The following FZD6 variants were observed in gnomAD, a reference collection of about 807,000 sequenced individuals.
FZD6 encodes frizzled-6.
FZD6 carries 49 observed loss-of-function variants against 61.4 expected under a neutral mutation model. The ratio of observed to expected loss-of-function variants is 0.80; its 90% CI spans 0.63 to 1.01. FZD6 has a LOEUF of 1.01. Ranked by LOEUF, FZD6 falls within the 50% of genes least tolerant of loss-of-function variation. The pLI, the probability that FZD6 is intolerant of heterozygous loss-of-function variation, is 0.00. For synonymous variants in FZD6, 265 were observed against 292.2 expected (o/e 0.91, Z 0.95); for missense variants, 724 against 848.2 (o/e 0.85, Z 1.82).
At position 103,324,995 on chromosome 8, in the gene FZD6, A is replaced by G. The variant is rs1586524678; in HGVS notation, c.889A>G (p.Thr297Ala). 6.2e-7 allele frequency: 1 copy of G among 1,614,152 alleles called. No individual in the cohort carries two copies. Among genetic ancestry groups the G allele is most frequent in the Non-Finnish European group, 8.5e-7 (1 of 1,180,020 alleles). Reference sequence around the variant, plus strand: ...TTTGTATTTTTTCACAATGGCTGGCACTGTGTGGTGGGTGATTCTTACCAT... The same window carrying G: ...TTTGTATTTTTTCACAATGGCTGGCGCTGTGTGGTGGGTGATTCTTACCAT... ...MLLYFFTMAG[T>A]VWWVILTITW... is the part of the protein sequence containing the mutation. Residue 297 changes from threonine (T) to alanine (A), a missense_variant, in exon 4 of 7, where the codon ACT (threonine) becomes GCT (alanine). Coordinates refer to ENST00000358755, the MANE Select transcript of FZD6 (RefSeq NM_003506.4).
intron 6 of FZD6, among the ~76,000 whole-genome samples, chr8:103,330,977 A>G (rs1448257177): frequency 6.6e-6 from 1 of 152,170 alleles, no homozygotes; most frequent in African/African-American, 2.4e-5. Flanking sequence ...GGAGATCGAG[A>G]CCATTCTGGC....
chr8:103,327,732 G>A (rs1814993980), intron 4 of FZD6, among the ~76,000 whole-genome samples: 1 of 152,156 alleles, frequency 6.6e-6, no homozygotes. Context: ...CTTGTGCAAT[G>A]TTTAAGGTTA....
intron 5 of FZD6, 49 bp from the exon 6 acceptor site, chr8:103,329,606 T>G (rs373381736): frequency 1.4e-6 from 2 of 1,394,372 alleles, no homozygotes; most frequent in African/African-American, 2.8e-5. Flanking sequence ...CTCTACTTTA[T>G]AGCCACACTT....
rs780130499 is a variant in FZD6 at position 103,330,012 on chromosome 8, C to T, written c.1899C>T (p.Val633=). The T allele has an allele frequency of 6.3e-5, 101 of 1,613,846 alleles. No individual in the cohort carries two copies. The East Asian group carries it at 1.2e-3, about 19-fold the overall frequency. ...TCTCCAGACTCTCTGGGGAACAGGT[C>T]GACGGGAAGGGCCAGGCAGGCAGTG... is the stretch of plus-strand genomic sequence containing the variant. ...ASISRLSGEQ[V]DGKGQAGSVS... Residue 633 remains valine, a synonymous_variant, in exon 6 of 7, where the codon GTC becomes GTT. Coordinates refer to ENST00000358755, the MANE Select transcript of FZD6 (RefSeq NM_003506.4).
At chr8:103,324,054 A>G (rs931697010) in intron 3 of FZD6, among the ~76,000 whole-genome samples, 2 of 152,234 alleles carry the variant, frequency 1.3e-5, no homozygotes, top group Non-Finnish European at 2.9e-5. Flanking sequence ...ACATTAGAAA[A>G]TAAAAGTGAA....
At chr8:103,306,294 G>T (rs1814327345) in intron 2 of FZD6, among the ~76,000 whole-genome samples, 1 of 152,070 alleles carries the variant, frequency 6.6e-6, no homozygotes, top group Non-Finnish European at 1.5e-5. Context: ...AAGCTGACTT[G>T]CCTGAGATTG....
chr8:103,307,963 C>T (rs1814387561), intron 2 of FZD6: 1 of 455,936 alleles, frequency 2.2e-6, no homozygotes, highest in African/African-American at 2.0e-5. Flanking sequence ...TACTTCTTAA[C>T]CTGACACTAG....
intron 2 of FZD6, among the ~76,000 whole-genome samples, chr8:103,315,433 G>T (rs1418291122): frequency 6.6e-6 from 1 of 152,172 alleles, no homozygotes; most frequent in African/African-American, 2.4e-5. Context: ...CAATTAAAAG[G>T]AATGAACTAC....
intron 2 of FZD6, among the ~76,000 whole-genome samples, chr8:103,306,618 T>C (rs1814338722): frequency 6.9e-6 from 1 of 145,450 alleles, no homozygotes; most frequent in Non-Finnish European, 1.5e-5. Flanking sequence ...TTCTCCTGCC[T>C]CAGCCTCCCG....
upstream of FZD6, chr8:103,298,664 C>T (rs80084586): frequency 0.43 from 65,856 of 151,726 alleles, 14,727 homozygotes; most frequent in East Asian, 0.61. Context: ...TTCCCGGCCC[C>T]GCAGCCGGAC....
At chr8:103,317,388 C>A (rs189058842) in intron 2 of FZD6, among the ~76,000 whole-genome samples, 1 of 152,114 alleles carries the variant, frequency 6.6e-6, no homozygotes, top group South Asian at 2.1e-4. Context: ...GATAAACTTA[C>A]GTTTTAAAGA....
At chr8:103,318,512 A>G in intron 2 of FZD6, 78 bp from the exon 3 acceptor site, 1 of 855,116 alleles carries the variant, frequency 1.2e-6, no homozygotes, top group Non-Finnish European at 2.0e-6. Flanking sequence ...AAAAGCATAT[A>G]CTTTAAACAG....
intron 3 of FZD6, among the ~76,000 whole-genome samples, chr8:103,323,785 G>A (rs1186097371): frequency 6.6e-6 from 1 of 152,106 alleles, no homozygotes; most frequent in Non-Finnish European, 1.5e-5. Context: ...ATACTGGTAT[G>A]TACAAACTCA....
In FZD6 at chr8:103,304,566, G is replaced by A. The variant is rs76014166; in HGVS notation, c.177+4282G>A. Among the ~76,000 whole-genome samples the A allele has an allele frequency of 2.5e-3, 375 of 152,322 alleles. 1 individual carries two copies. Among genetic ancestry groups the A allele is most frequent in the Non-Finnish European group, 3.6e-3 (248 of 68,030 alleles). The stretch of plus-strand genomic sequence containing the variant: ...AAGACCAAATTATTTTGACTTTCCA[G>A]ACCATACAGTCTCCGTCACAGCTAT... On this transcript the variant is annotated intron_variant, in intron 2 of 6. Transcript: ENST00000358755.
chr8:103,300,087 A>C lies in FZD6; in HGVS notation c.-21A>C, dbSNP rs751952479. Reference sequence around the variant, plus strand: ...GAGTGATTCATCCAAGCCATGTGGTAAAATCAGGAATTTGAAGAAAATGGA... The same window carrying C: ...GAGTGATTCATCCAAGCCATGTGGTCAAATCAGGAATTTGAAGAAAATGGA... On this transcript the variant is annotated 5_prime_UTR_variant, in exon 2 of 7. The change abolishes the stop of an existing upstream ORF in the 5' untranslated region. Transcript: ENST00000358755. 1 of 1,482,066 alleles carries C rather than the reference A, an allele frequency of 6.7e-7. No individual in the cohort carries two copies. Among genetic ancestry groups the C allele is most frequent in the Non-Finnish European group, 9.4e-7 (1 of 1,059,384 alleles). The allele number at this position is 1,482,066 out of a possible 1,614,324, so 91.8% of individuals were successfully genotyped here.
At chr8:103,308,914 C>G (rs1477508494) in intron 2 of FZD6, among the ~76,000 whole-genome samples, 1 of 152,154 alleles carries the variant, frequency 6.6e-6, no homozygotes, top group Non-Finnish European at 1.5e-5. Context: ...GCACTTGTAT[C>G]TTACTATGGC....
chr8:103,317,140 G>C (rs1187067156), intron 2 of FZD6, among the ~76,000 whole-genome samples: 1 of 152,202 alleles, frequency 6.6e-6, no homozygotes, highest in African/African-American at 2.4e-5. Context: ...ACTCAAATGA[G>C]GGCACAAGAC....
chr8:103,326,897 T>G (rs1202832050), intron 4 of FZD6, among the ~76,000 whole-genome samples: 1 of 152,102 alleles, frequency 6.6e-6, no homozygotes, highest in African/African-American at 2.4e-5. Flanking sequence ...ATGAAAAAAC[T>G]ATTCTTAAAC....
intron 2 of FZD6, among the ~76,000 whole-genome samples, chr8:103,308,900 A>C (rs1189025200): frequency 6.6e-6 from 1 of 152,186 alleles, no homozygotes; most frequent in African/African-American, 2.4e-5. Flanking sequence ...TAATCTCCTC[A>C]TCTGCACTTG....
Sources: gnomAD v4.1 joint callset for allele counts (sites outside exome capture counted in the v4.1 genomes callset) on GRCh38, gnomAD v4.1.1 for gene constraint, MANE v1.5 for transcripts, NCBI Gene and HGNC (gene_info 2026-07-23, HGNC 2026-07-21) for gene names.